NSUN7: variants seen among roughly 807,000 people sequenced by gnomAD.
NSUN7 encodes protein NSUN7.
A neutral mutation model predicts 58.5 loss-of-function variants in NSUN7; 39 were observed. That is an observed-to-expected ratio of 0.67 (90% CI 0.52 to 0.87). The LOEUF (loss-of-function observed/expected upper bound fraction) is 0.87. NSUN7 is among the 40% of genes least tolerant of loss of function. The pLI is 0.00. For missense variants in NSUN7, 765 were observed against 844.1 expected (o/e 0.91, Z 1.16); for synonymous variants, 278 against 303.7 (o/e 0.92, Z 0.88).
intron 10 of NSUN7, among the ~76,000 whole-genome samples, chr4:40,804,828 G>A (rs1743748096): frequency 6.6e-6 from 1 of 152,030 alleles, no homozygotes; most frequent in Admixed American, 6.6e-5. Flanking sequence ...CTTGTTTCAG[G>A]ATCCTATTAT....
chr4:40,792,777 C>G (rs977495187), intron 8 of NSUN7, among the ~76,000 whole-genome samples: 5 of 150,808 alleles, frequency 3.3e-5, no homozygotes, highest in Non-Finnish European at 5.9e-5. Context: ...TTGTCGTATC[C>G]TGAAGTAAGC....
At chr4:40,778,127 T>C (rs138849116) in intron 7 of NSUN7, among the ~76,000 whole-genome samples, 1 of 152,034 alleles carries the variant, frequency 6.6e-6, no homozygotes, top group African/African-American at 2.4e-5. Context: ...GAAGAAAATA[T>C]CTAGACTTAA....
In NSUN7 at chr4:40,761,314, G is replaced by C; in HGVS notation, c.488+13G>C. The C allele has an allele frequency of 6.3e-7, 1 of 1,597,018 alleles. No individual in the cohort carries two copies. Among genetic ancestry groups the C allele is most frequent in the Non-Finnish European group, 8.5e-7 (1 of 1,171,706 alleles). The stretch of plus-strand genomic sequence containing the variant: ...ACCTTCTTAACAGGTAATCGTAAAA[G>C]TGAAAAGAATGTTTTATATGAAACC... On this transcript the variant is annotated intron_variant, in intron 4 of 11. Coordinates refer to ENST00000381782, the MANE Select transcript of NSUN7 (RefSeq NM_024677.6).
In NSUN7 at chr4:40,750,866, G is replaced by C. The variant is rs956107015; in HGVS notation, c.173G>C (p.Arg58Pro). 3 of 1,614,166 alleles carry C rather than the reference G, an allele frequency of 1.9e-6. No homozygotes were observed. Among genetic ancestry groups the C allele is most frequent in the Non-Finnish European group, 2.5e-6 (3 of 1,180,028 alleles). ...GCAGCCAACATTTTTCAGGGTATTC[G>C]AATCGAAAAGTCGGCACAGAAAGTC... ...VMAANIFQGI[R>P]IEKSAQKVLI... The change falls in exon 2 of 12, where the codon CGA becomes CCA. Residue 58 changes from arginine to proline, a missense_variant. Transcript: ENST00000381782.
intron 2 of NSUN7, among the ~76,000 whole-genome samples, chr4:40,756,705 T>C (rs528184720): frequency 8.5e-5 from 13 of 152,202 alleles, no homozygotes; most frequent in Admixed American, 2.0e-4. Flanking sequence ...AACAACCTAA[T>C]TCATATGGTT....
intron 2 of NSUN7, among the ~76,000 whole-genome samples, chr4:40,756,793 G>C (rs1741163984): frequency 6.6e-6 from 1 of 152,158 alleles, no homozygotes; most frequent in African/African-American, 2.4e-5. Flanking sequence ...TATATACACA[G>C]TCCCCAATGT....
At chr4:40,797,420 C>A (rs1350526347) in intron 9 of NSUN7, among the ~76,000 whole-genome samples, 1 of 152,186 alleles carries the variant, frequency 6.6e-6, no homozygotes, top group Non-Finnish European at 1.5e-5. Context: ...TCAAAGCTAA[C>A]ATGTCTAAGG....
chr4:40,761,197 T>C lies in NSUN7; in HGVS notation c.384T>C (p.Ile128=). The change falls in exon 4 of 12, where the codon ATT becomes ATC. Residue 128 remains isoleucine, a synonymous_variant. Transcript: ENST00000381782. The part of the protein sequence containing the change: ...TIPDHLSSLI[I]VMLYDFQDRK... ...CAGATCATTTGAGCAGTCTTATTATTGTGATGCTATATGATTTCCAAGATA... is the reference window on the plus strand; with the variant it reads ...CAGATCATTTGAGCAGTCTTATTATCGTGATGCTATATGATTTCCAAGATA... The C allele has an allele frequency of 6.3e-7, 1 of 1,586,002 alleles. No homozygotes were observed. Among genetic ancestry groups the C allele is most frequent in the South Asian group, 1.2e-5 (1 of 85,928 alleles).
intron 4 of NSUN7, among the ~76,000 whole-genome samples, chr4:40,770,999 C>T (rs1262335243): frequency 3.9e-5 from 6 of 152,022 alleles, no homozygotes; most frequent in Non-Finnish European, 5.9e-5. Flanking sequence ...TGCAGTAAGC[C>T]GAGATTGCAC....
chr4:40,808,577 G>A lies in NSUN7; in HGVS notation c.1795G>A (p.Ala599Thr), dbSNP rs759468944. 165 of 1,551,490 alleles carry A rather than the reference G, an allele frequency of 1.1e-4. No homozygotes were observed. Among genetic ancestry groups the A allele is most frequent in the Non-Finnish European group, 1.4e-4 (155 of 1,147,018 alleles). ...LPQKNTAQVGASSQTRKPNKL... is the reference protein window; with the variant it reads ...LPQKNTAQVGTSSQTRKPNKL... ...CCAGAAAAATACTGCTCAAGTGGGGGCTTCCTCACAGACCAGAAAACCCAA... is the reference window on the plus strand; with the variant it reads ...CCAGAAAAATACTGCTCAAGTGGGGACTTCCTCACAGACCAGAAAACCCAA... The change falls in exon 12 of 12, where the codon GCT becomes ACT. Residue 599 changes from alanine (A) to threonine (T), a missense_variant. Transcript: ENST00000381782.
At chr4:40,795,795 T>C (rs1270427686) in intron 9 of NSUN7, among the ~76,000 whole-genome samples, 1 of 152,202 alleles carries the variant, frequency 6.6e-6, no homozygotes, top group Non-Finnish European at 1.5e-5. Flanking sequence ...GTCATGGGAT[T>C]AGAGTAAAAA....
chr4:40,808,200 G>C lies in NSUN7; in HGVS notation c.1525-107G>C. On this transcript the variant is annotated intron_variant, in intron 11 of 11. Transcript: ENST00000381782. ...TAAAAACTATTTCTTATTTCTTTTA[G>C]TATAATAAAGAGAGTCTTTTTATTT... 2.4e-6 allele frequency: 3 copies of C among 1,242,234 alleles called. No individual in the cohort carries two copies. In the Admixed American group the frequency reaches 7.3e-5, roughly 30 times the overall value. The allele number at this position is 1,242,234 out of a possible 1,614,324, so 77.0% of individuals were successfully genotyped here. A position where few individuals can be genotyped will look rare whatever the true frequency, so the allele number is the denominator to read the frequency against.
intron 8 of NSUN7, among the ~76,000 whole-genome samples, chr4:40,793,451 GCAACAA>G (rs908397567): frequency 1.3e-5 from 2 of 151,862 alleles, no homozygotes; most frequent in African/African-American, 4.8e-5. Flanking sequence ...CAAAAAAACA[GCAACAA>G]CAACAACAAT....
Position 40,760,610 on chromosome 4 carries a change from C to T in NSUN7, c.357+118C>T, listed in dbSNP as rs377156156. ...GGGCGCAGTGGCTCACACCTGTAAT[C>T]CCAGCACTTTGGGAGGCCAAGGCGG... On this transcript the variant is annotated intron_variant, in intron 3 of 11. Coordinates refer to ENST00000381782, the MANE Select transcript of NSUN7 (RefSeq NM_024677.6). 720 of 749,792 alleles carry T rather than the reference C, an allele frequency of 9.6e-4. 8 individuals carry two copies. In the African/African-American group the frequency reaches 0.012, roughly 12 times the overall value. 46.4% of individuals were successfully genotyped at this position (749,792 alleles called of 1,614,324 possible). A position where few individuals can be genotyped will look rare whatever the true frequency, so the allele number is the denominator to read the frequency against.
Position 40,757,251 on chromosome 4 carries a change from TAAAC to T in NSUN7, c.299-3179_299-3176del, listed in dbSNP as rs1332959248. ...CTCAATAAATAAATAAACAAATAAA[TAAAC>T]AAATAAGTTACAGGAGATGGTCAGC... is the stretch of plus-strand genomic sequence containing the variant. On this transcript the variant is annotated intron_variant, in intron 2 of 11. Transcript: ENST00000381782. Among the ~76,000 whole-genome samples, 4 of 151,926 alleles carry T rather than the reference TAAAC, an allele frequency of 2.6e-5. No individual in the cohort carries two copies. The South Asian group carries it at 6.2e-4, about 24-fold the overall frequency.
chr4:40,777,453 C>T (rs1742325216), intron 7 of NSUN7, among the ~76,000 whole-genome samples: 1 of 152,096 alleles, frequency 6.6e-6, no homozygotes, highest in African/African-American at 2.4e-5. Flanking sequence ...CCTGCCTCAA[C>T]CTCCTGAGCA....
chr4:40,787,524 G>C (rs1427583012), intron 7 of NSUN7, among the ~76,000 whole-genome samples: 1 of 152,040 alleles, frequency 6.6e-6, no homozygotes, highest in Non-Finnish European at 1.5e-5. Context: ...CAATAAACTT[G>C]AACATTTAAC....
intron 7 of NSUN7, chr4:40,786,678 A>G: frequency 6.3e-7 from 1 of 1,580,648 alleles, no homozygotes; most frequent in Non-Finnish European, 8.6e-7. Context: ...TCATTAAAAG[A>G]AGAAAAATGT....
intron 8 of NSUN7, among the ~76,000 whole-genome samples, chr4:40,792,164 T>C (rs150709152): frequency 1.3e-5 from 2 of 151,598 alleles, no homozygotes; most frequent in African/African-American, 4.8e-5. Flanking sequence ...GAACAATTAG[T>C]AGACACTGAA....
Sources: allele counts gnomAD v4.1 joint callset (sites outside exome capture counted in the v4.1 genomes callset), GRCh38; gene constraint gnomAD v4.1.1; transcripts MANE v1.5; gene names NCBI Gene and HGNC (gene_info 2026-07-23, HGNC 2026-07-21).